The following STK24 variants were observed in gnomAD, a reference collection of about 807,000 sequenced individuals.
STK24 encodes the protein serine/threonine-protein kinase 24.
A neutral mutation model predicts 55.6 loss-of-function variants in STK24; 21 were observed. The ratio of observed to expected loss-of-function variants is 0.38; its 90% CI spans 0.27 to 0.54. STK24 has a LOEUF of 0.54. STK24 is among the 20% of genes least tolerant of loss of function. STK24 has a pLI of 0.79. For missense variants in STK24, 383 were observed against 538.4 expected (o/e 0.71, Z 2.86); for synonymous variants, 200 against 215.2 (o/e 0.93, Z 0.62).
intron 1 of STK24, among the ~76,000 whole-genome samples, chr13:98,533,759 A>AAC (rs369424726): frequency 0.035 from 5,293 of 151,184 alleles, 276 homozygotes; most frequent in African/African-American, 0.12. Flanking sequence ...CTCAGTACCC[A>AAC]ACACACACAC....
At chr13:98,513,251 C>A (rs1273679504) in intron 2 of STK24, among the ~76,000 whole-genome samples, 2 of 152,244 alleles carry the variant, frequency 1.3e-5, no homozygotes, top group Admixed American at 1.3e-4. Context: ...ACCCTCCATC[C>A]AAAATGCCCT....
intron 1 of STK24, among the ~76,000 whole-genome samples, chr13:98,554,740 C>T (rs1175583770): frequency 2.6e-5 from 4 of 152,158 alleles, no homozygotes; most frequent in African/African-American, 7.2e-5. Context: ...TTAGGCCAGG[C>T]GCGGTGGCTC....
At position 98,446,227 on chromosome 13, in the gene STK24, G is replaced by A. The variant is rs1213451929; in HGVS notation, c.*6946C>T. The A allele has an allele frequency of 2.6e-6, 4 of 1,517,528 alleles. No homozygotes were observed. In the African/African-American group the frequency reaches 4.1e-5, roughly 16 times the overall value. The allele number at this position is 1,517,528 out of a possible 1,614,324, so 94.0% of individuals were successfully genotyped here. A position where few individuals can be genotyped will look rare whatever the true frequency, so the allele number is the denominator to read the frequency against. ...CCAGGTAAGTGTCTCGCACAGGGCA[G>A]GTGGCCCTGGGACCTTGGGGGTGGC... On this transcript the variant is annotated 3_prime_UTR_variant, in exon 11 of 11. Transcript: ENST00000539966.
chr13:98,458,479 G>A (rs1328016934), intron 9 of STK24, among the ~76,000 whole-genome samples: 1 of 152,200 alleles, frequency 6.6e-6, no homozygotes, highest in Non-Finnish European at 1.5e-5. Context: ...GAACTAGAAG[G>A]GTCTGACCTT....
chr13:98,546,148 C>T (rs1369149128), intron 1 of STK24, among the ~76,000 whole-genome samples: 5 of 152,318 alleles, frequency 3.3e-5, no homozygotes, highest in Non-Finnish European at 7.4e-5. Flanking sequence ...AAAGGCTGGG[C>T]AGGGTGCTGG....
At chr13:98,487,844 C>T (rs1475327796) in intron 2 of STK24, among the ~76,000 whole-genome samples, 2 of 152,072 alleles carry the variant, frequency 1.3e-5, no homozygotes, top group African/African-American at 4.8e-5. Flanking sequence ...TGAAGGGACT[C>T]CATCTGAATT....
chr13:98,464,935 G>A (rs985572218), intron 6 of STK24, among the ~76,000 whole-genome samples: 20 of 152,180 alleles, frequency 1.3e-4, no homozygotes, highest in Admixed American at 1.2e-3. Flanking sequence ...AACTGGATGC[G>A]CTTCACCACC....
chr13:98,538,225 T>TC (rs1159300607), intron 1 of STK24, among the ~76,000 whole-genome samples: 1 of 129,586 alleles, frequency 7.7e-6, no homozygotes, highest in African/African-American at 3.6e-5. Flanking sequence ...GTGCTTGCTT[T>TC]TTTTTTTTTT....
intron 1 of STK24, among the ~76,000 whole-genome samples, chr13:98,572,723 A>C (rs1897775257): frequency 1.3e-5 from 2 of 152,238 alleles, no homozygotes; most frequent in South Asian, 4.1e-4. Flanking sequence ...TTAACAAGAC[A>C]AACTTCAGGT....
At chr13:98,477,182 A>G (rs2139292590) in intron 3 of STK24, among the ~76,000 whole-genome samples, 1 of 152,370 alleles carries the variant, frequency 6.6e-6, no homozygotes, top group South Asian at 2.1e-4. Context: ...CAATCAGGAA[A>G]ACTATGCCTT....
At chr13:98,531,860 G>C (rs1416834601) in intron 1 of STK24, among the ~76,000 whole-genome samples, 1 of 152,148 alleles carries the variant, frequency 6.6e-6, no homozygotes, top group Non-Finnish European at 1.5e-5. Flanking sequence ...ATAGACGCAG[G>C]ACAGTGCATC....
chr13:98,515,930 A>C (rs977742922), intron 2 of STK24, among the ~76,000 whole-genome samples: 7 of 152,198 alleles, frequency 4.6e-5, no homozygotes, highest in African/African-American at 1.7e-4. Flanking sequence ...AGTGTTTTAA[A>C]ATGACAGTGA....
At chr13:98,553,172 G>A (rs1464851824) in intron 1 of STK24, 1 of 152,218 alleles carries the variant, frequency 6.6e-6, no homozygotes, top group Non-Finnish European at 1.5e-5. Flanking sequence ...GGTAGGCTAA[G>A]CTCCAGAGTC....
Position 98,452,206 on chromosome 13 carries a change from G to A in STK24, c.*967C>T, listed in dbSNP as rs1893232170. 1 of 152,172 alleles carries A rather than the reference G, an allele frequency of 6.6e-6. No homozygotes were observed. The highest frequency in any genetic ancestry group is 1.5e-5 in the Non-Finnish European group (1 of 68,042). 9.4% of individuals were successfully genotyped at this position (152,172 alleles called of 1,614,324 possible). ...TGTGTAAGCATTCAGACATTTTTAG[G>A]TGGGAAAGATGATATGCAGAATCCA... On this transcript the variant is annotated 3_prime_UTR_variant, in exon 11 of 11. Transcript: ENST00000539966.
Position 98,466,516 on chromosome 13 carries a change from C to G in STK24, c.643G>C (p.Gly215Arg). The change falls in exon 6 of 11, where the codon GGG becomes CGG. Residue 215 changes from glycine (G) to arginine (R), a missense_variant. Transcript: ENST00000539966. ...TGCAGCTCGGAATGAGGTGGTTCCCCTCTTGCAAGTTCAATAGCTGTTATG... is the reference window on the plus strand; with the variant it reads ...TGCAGCTCGGAATGAGGTGGTTCCCGTCTTGCAAGTTCAATAGCTGTTATG... ...LGITAIELAR[G>R]EPPHSELHPM... The G allele has an allele frequency of 1.9e-6, 3 of 1,614,096 alleles. No homozygotes were observed. Among genetic ancestry groups the G allele is most frequent in the Non-Finnish European group, 2.5e-6 (3 of 1,180,044 alleles).
intron 1 of STK24, among the ~76,000 whole-genome samples, chr13:98,548,184 T>C (rs1449672733): frequency 1.3e-5 from 2 of 152,206 alleles, no homozygotes; most frequent in Non-Finnish European, 2.9e-5. Context: ...AATGCATACA[T>C]ATTATAGTTC....
Position 98,446,354 on chromosome 13 carries a change from C to T in STK24, c.*6819G>A, listed in dbSNP as rs1387466658. 3 of 617,144 alleles carry T rather than the reference C, an allele frequency of 4.9e-6. No homozygotes were observed. Among genetic ancestry groups the T allele is most frequent in the Non-Finnish European group, 5.8e-6 (2 of 346,514 alleles). 38.2% of individuals were successfully genotyped at this position (617,144 alleles called of 1,614,324 possible). A position where few individuals can be genotyped will look rare whatever the true frequency, so the allele number is the denominator to read the frequency against. ...GATGCTGGCGGGGGGCCCTGTCCACCCGAGGCCCTCAACTCTAGGGAAGAC... is the reference window on the plus strand; with the variant it reads ...GATGCTGGCGGGGGGCCCTGTCCACTCGAGGCCCTCAACTCTAGGGAAGAC... On this transcript the variant is annotated 3_prime_UTR_variant, in exon 11 of 11. Transcript: ENST00000539966.
At chr13:98,524,317 T>G (rs1896356889) in intron 1 of STK24, among the ~76,000 whole-genome samples, 1 of 151,780 alleles carries the variant, frequency 6.6e-6, no homozygotes, top group Non-Finnish European at 1.5e-5. Context: ...TGTGCTGGTG[T>G]ACCCTCTCCA....
intron 3 of STK24, among the ~76,000 whole-genome samples, chr13:98,478,772 A>G (rs1248131792): frequency 6.6e-6 from 1 of 152,194 alleles, no homozygotes; most frequent in Non-Finnish European, 1.5e-5. Context: ...CTTTGTAATT[A>G]GATTCCAAGG....
Sources: allele counts gnomAD v4.1 joint callset (sites outside exome capture counted in the v4.1 genomes callset), GRCh38; gene constraint gnomAD v4.1.1; transcripts MANE v1.5; gene names NCBI Gene and HGNC (gene_info 2026-07-23, HGNC 2026-07-21).